Variants in ZC3H3 observed in about 807,000 individuals in gnomAD.
ZC3H3 encodes zinc finger CCCH domain-containing protein 3.
In ZC3H3, 36 loss-of-function variants were observed where a neutral mutation model predicts 77.3. The ratio of observed to expected loss-of-function variants is 0.47; its 90% CI spans 0.36 to 0.61. The LOEUF is 0.61. ZC3H3 is among the 20% of genes least tolerant of loss of function. The pLI is 0.00. For synonymous variants in ZC3H3, 626 were observed against 555.2 expected (o/e 1.13, Z -1.79); for missense variants, 1,331 against 1,312.2 (o/e 1.01, Z -0.22).
chr8:143,471,673 G>C (rs1463526847), intron 5 of ZC3H3, among the ~76,000 whole-genome samples: 1 of 151,930 alleles, frequency 6.6e-6, no homozygotes. Context: ...TCGGCTTCAG[G>C]GACTGGGGAA....
intron 2 of ZC3H3, among the ~76,000 whole-genome samples, chr8:143,537,658 C>T (rs1822845366): frequency 6.7e-6 from 1 of 148,984 alleles, no homozygotes; most frequent in Non-Finnish European, 1.5e-5. Flanking sequence ...TCCCTGGGAG[C>T]TACTCCCCCT....
At chr8:143,483,651 C>T (rs1325660820) in intron 4 of ZC3H3, among the ~76,000 whole-genome samples, 1 of 152,192 alleles carries the variant, frequency 6.6e-6, no homozygotes, top group Non-Finnish European at 1.5e-5. Context: ...TGCTCAAGGG[C>T]CTGTGGCTGC....
rs770703445 is a variant in ZC3H3 at position 143,493,836 on chromosome 8, G to A, written c.1715+13910C>T. Among the ~76,000 whole-genome samples the A allele has an allele frequency of 1.2e-4, 18 of 152,134 alleles. No individual in the cohort carries two copies. Among genetic ancestry groups the A allele is most frequent in the Non-Finnish European group, 1.8e-4 (12 of 68,034 alleles). On this transcript the variant is annotated intron_variant, in intron 4 of 11. Transcript: ENST00000262577. The surrounding 1 kb of genome is among the most constrained non-coding windows in gnomAD (Gnocchi z 4.8). ...GCCAGTAATATTTTATATAATCGCCGAGTGGTTTAAATTGAAAACCCCCAA... is the reference window on the plus strand; with the variant it reads ...GCCAGTAATATTTTATATAATCGCCAAGTGGTTTAAATTGAAAACCCCCAA...
chr8:143,470,319 T>C (rs1337242927), intron 5 of ZC3H3, among the ~76,000 whole-genome samples: 1 of 152,162 alleles, frequency 6.6e-6, no homozygotes, highest in African/African-American at 2.4e-5. Flanking sequence ...CTAGTCATGG[T>C]ACCTGGGGCA....
intron 9 of ZC3H3, among the ~76,000 whole-genome samples, chr8:143,464,530 G>T (rs1195695680): frequency 6.6e-6 from 1 of 152,208 alleles, no homozygotes; most frequent in Non-Finnish European, 1.5e-5. Context: ...GCCCACCACA[G>T]AACGCTGTGC....
intron 4 of ZC3H3, among the ~76,000 whole-genome samples, chr8:143,499,684 T>C (rs918274445): frequency 6.6e-6 from 1 of 151,786 alleles, no homozygotes; most frequent in Non-Finnish European, 1.5e-5. Context: ...CTGCTCACAG[T>C]AGAGCCAGCA....
intron 3 of ZC3H3, among the ~76,000 whole-genome samples, chr8:143,519,721 C>T (rs970125685): frequency 6.6e-6 from 1 of 152,186 alleles, no homozygotes; most frequent in African/African-American, 2.4e-5. Context: ...GCCGCAGGCC[C>T]CACGTTCAGG....
intron 5 of ZC3H3, among the ~76,000 whole-genome samples, chr8:143,474,686 C>A (rs1039132338): frequency 2.0e-5 from 3 of 152,240 alleles, no homozygotes; most frequent in Non-Finnish European, 4.4e-5. Context: ...CATGGCCCAG[C>A]CTCTGCAATC....
chr8:143,484,312 G>A (rs989908849), intron 4 of ZC3H3, among the ~76,000 whole-genome samples: 1 of 152,184 alleles, frequency 6.6e-6, no homozygotes, highest in African/African-American at 2.4e-5. Context: ...CTGCAGCCTG[G>A]CTGGGTGGCA....
rs1479536068 is a variant in ZC3H3, at chr8:143,538,127, A to G, written c.1240T>C (p.Ser414Pro). ...ACTGCTGGTCTGTCCCCCGACGGGG[A>G]CCTAGACAGGACTGGGGAGAGCTGG... ...ASQLSPVLSR[S>P]PSGDRPAVGH... is the part of the protein sequence containing the mutation. Residue 414 changes from serine to proline, a missense_variant, in exon 2 of 12, where the codon TCC becomes CCC. Transcript: ENST00000262577. 1 of 1,613,076 alleles carries G rather than the reference A, an allele frequency of 6.2e-7. No individual in the cohort carries two copies. Among genetic ancestry groups the G allele is most frequent in the Admixed American group, 1.7e-5 (1 of 60,024 alleles).
intron 5 of ZC3H3, among the ~76,000 whole-genome samples, chr8:143,474,866 G>C (rs11136297): frequency 2.0e-3 from 308 of 152,292 alleles, no homozygotes; most frequent in Non-Finnish European, 3.0e-3. Context: ...TGGCGGCGCC[G>C]GCTGCCTCCA....
intron 9 of ZC3H3, among the ~76,000 whole-genome samples, chr8:143,446,970 G>A (rs905190766): frequency 6.6e-6 from 1 of 152,272 alleles, no homozygotes; most frequent in Non-Finnish European, 1.5e-5. Flanking sequence ...AGCCAGCCTG[G>A]CCCTGGGAGC....
At chr8:143,441,251 C>T in intron 9 of ZC3H3, 131 bp from the exon 10 acceptor site, 1 of 969,026 alleles carries the variant, frequency 1.0e-6, no homozygotes, top group Non-Finnish European at 1.4e-6. Flanking sequence ...AGTCTTGGGG[C>T]CAAAGGCTTC....
intron 3 of ZC3H3, among the ~76,000 whole-genome samples, chr8:143,535,912 G>C (rs1235245512): frequency 6.6e-6 from 1 of 152,246 alleles, no homozygotes; most frequent in African/African-American, 2.4e-5. Flanking sequence ...AGAGGCCTGG[G>C]GGTGCCCAGC....
intron 4 of ZC3H3, among the ~76,000 whole-genome samples, chr8:143,476,287 G>C (rs1394738506): frequency 1.3e-5 from 2 of 152,216 alleles, no homozygotes; most frequent in African/African-American, 4.8e-5. Flanking sequence ...CCCCGGGCCA[G>C]GCTGTTTGAG....
At chr8:143,488,778 C>T (rs538647836) in intron 4 of ZC3H3, among the ~76,000 whole-genome samples, 3 of 152,304 alleles carry the variant, frequency 2.0e-5, no homozygotes, top group Admixed American at 6.5e-5. Flanking sequence ...AACATCCTCA[C>T]GAAATTCAAA....
Position 143,533,338 on chromosome 8 carries a change from G to C in ZC3H3, c.1561+2919C>G, listed in dbSNP as rs114635612. On this transcript the variant is annotated intron_variant, in intron 3 of 11. Transcript: ENST00000262577. This position sits in a 1 kb window ranked among gnomAD's most constrained non-coding sequence, Gnocchi z 4.0. ...AGCCCTATTCGCTCCTCTCTGCTCA[G>C]GTCACCTCCTCAGAGAAGCCCTCCC... 1.2e-4 allele frequency among the ~76,000 whole-genome samples: 18 copies of C among 152,234 alleles called. No homozygotes were observed. The highest frequency in any genetic ancestry group is 4.1e-4 in the African/African-American group (17 of 41,548).
chr8:143,523,845 C>G (rs1822327398), intron 3 of ZC3H3, among the ~76,000 whole-genome samples: 1 of 152,238 alleles, frequency 6.6e-6, no homozygotes, highest in Non-Finnish European at 1.5e-5. Context: ...CCAACTGAGT[C>G]AGAGCGGGGC....
chr8:143,531,920 T>C (rs1362113550), intron 3 of ZC3H3, among the ~76,000 whole-genome samples: 2 of 152,200 alleles, frequency 1.3e-5, no homozygotes, highest in Admixed American at 1.3e-4. Flanking sequence ...AGAGGAGAAA[T>C]GGCCCGGCTC....
Sources: gnomAD v4.1 joint callset for allele counts (sites outside exome capture counted in the v4.1 genomes callset) on GRCh38, gnomAD v4.1.1 for gene constraint, Gnocchi (gnomAD v3.1) non-coding constraint, MANE v1.5 for transcripts, NCBI Gene and HGNC (gene_info 2026-07-23, HGNC 2026-07-21) for gene names.